The following CDH12 variants were observed in gnomAD, a reference collection of about 807,000 sequenced individuals.
CDH12 encodes cadherin 12, also known as cadherin-12.
CDH12 carries 41 observed loss-of-function variants against 74.1 expected under a neutral mutation model. The ratio of observed to expected loss-of-function variants is 0.55; its 90% confidence interval spans 0.43 to 0.72. The LOEUF is 0.72. Ranked by LOEUF, CDH12 falls within the 30% of genes least tolerant of loss-of-function variation. The pLI is 0.00. For missense variants in CDH12, 945 were observed against 977.2 expected (o/e 0.97, Z 0.44); for synonymous variants, 399 against 355.0 (o/e 1.12, Z -1.39).
chr5:22,538,563 G>A lies in CDH12; in HGVS notation c.-522-33199C>T, dbSNP rs372490394. 8.5e-5 allele frequency among the ~76,000 whole-genome samples: 13 copies of A among 152,276 alleles called. 1 individual carries two copies. The highest frequency in any genetic ancestry group is 3.9e-4 in the East Asian group (2 of 5,174). ...CAGTGTGAACAACCAAAATTGTTTC[G>A]AGACATTGCCAAATGTTCCGTGGGG... On this transcript the variant is annotated intron_variant, in intron 1 of 14. Coordinates refer to ENST00000382254, the MANE Select transcript of CDH12 (RefSeq NM_004061.5).
rs74594118 is a variant in CDH12 at position 22,522,278 on chromosome 5, C to T, written c.-522-16914G>A. On this transcript the variant is annotated intron_variant, in intron 1 of 14. Transcript: ENST00000382254. Reference sequence around the variant, plus strand: ...AAGTATGGATTAGGAACCAAAAGCTCATCATGAACATATAAACTGACCAAG... The same window carrying T: ...AAGTATGGATTAGGAACCAAAAGCTTATCATGAACATATAAACTGACCAAG... Among the ~76,000 whole-genome samples the T allele has an allele frequency of 2.5e-3, 387 of 152,232 alleles. 5 individuals carry two copies. The highest frequency in any genetic ancestry group is 8.7e-3 in the African/African-American group (361 of 41,558).
chr5:22,033,102 A>G (rs1470402725), intron 5 of CDH12, among the ~76,000 whole-genome samples: 1 of 152,012 alleles, frequency 6.6e-6, no homozygotes, highest in African/African-American at 2.4e-5. Context: ...CAATGACAAA[A>G]GAGCTATAAT....
intron 2 of CDH12, among the ~76,000 whole-genome samples, chr5:22,499,392 T>C (rs890616115): frequency 1.3e-5 from 2 of 152,198 alleles, no homozygotes; most frequent in African/African-American, 4.8e-5. Flanking sequence ...AGTCTTAGTT[T>C]ACATGGCAGA....
At position 22,200,910 on chromosome 5, in the gene CDH12, G is replaced by A. The variant is rs185223459; in HGVS notation, c.-187+11588C>T. 2.0e-5 allele frequency among the ~76,000 whole-genome samples: 3 copies of A among 152,308 alleles called. No individual in the cohort carries two copies. In the East Asian group the frequency reaches 5.8e-4, roughly 29 times the overall value. On this transcript the variant is annotated intron_variant, in intron 4 of 14. Coordinates refer to ENST00000382254, the MANE Select transcript of CDH12 (RefSeq NM_004061.5). ...TTGAAGTGTGGCATTATTCAATGAT[G>A]TAATGAGTTCTGTGATTGGATTATA...
intron 5 of CDH12, among the ~76,000 whole-genome samples, chr5:21,996,630 G>T (rs1251795528): frequency 6.6e-6 from 1 of 152,018 alleles, no homozygotes; most frequent in Non-Finnish European, 1.5e-5. Context: ...TGCTGTTTGG[G>T]CTAGATGGCT....
chr5:22,798,118 G>C (rs1748323568), intron 1 of CDH12, among the ~76,000 whole-genome samples: 1 of 151,960 alleles, frequency 6.6e-6, no homozygotes, highest in Non-Finnish European at 1.5e-5. Context: ...CTTATCCCCT[G>C]CCTCAAATAA....
chr5:22,678,535 A>AAC (rs1458849955), intron 1 of CDH12, among the ~76,000 whole-genome samples: 1 of 152,134 alleles, frequency 6.6e-6, no homozygotes, highest in Admixed American at 6.6e-5. Context: ...AAGCATTCAA[A>AAC]ACATGCCCAT....
chr5:22,490,584 GCT>G (rs1746820812), intron 2 of CDH12, among the ~76,000 whole-genome samples: 1 of 151,048 alleles, frequency 6.6e-6, no homozygotes, highest in South Asian at 2.1e-4. Context: ...AAAAAATAAG[GCT>G]CTCTGCAAAT....
intron 3 of CDH12, among the ~76,000 whole-genome samples, chr5:22,228,661 T>A (rs1752277182): frequency 6.6e-6 from 1 of 152,142 alleles, no homozygotes; most frequent in African/African-American, 2.4e-5. Context: ...ACTGAGGAAT[T>A]CTGTTCTGCT....
intron 4 of CDH12, among the ~76,000 whole-genome samples, chr5:22,092,246 AG>A (rs1410904406): frequency 6.6e-6 from 1 of 152,034 alleles, no homozygotes; most frequent in Non-Finnish European, 1.5e-5. Context: ...CAAAAGCCCA[AG>A]TGACAAGATA....
At chr5:22,002,774 G>T (rs1420294186) in intron 5 of CDH12, among the ~76,000 whole-genome samples, 1 of 151,898 alleles carries the variant, frequency 6.6e-6, no homozygotes, top group Non-Finnish European at 1.5e-5. Context: ...AGCCTGCTGG[G>T]ACAAGATTCA....
At chr5:21,788,224 T>TA (rs1440300238) in intron 10 of CDH12, among the ~76,000 whole-genome samples, 3 of 152,160 alleles carry the variant, frequency 2.0e-5, no homozygotes, top group Non-Finnish European at 2.9e-5. Flanking sequence ...ACATTGAATG[T>TA]AAAACCTAGT....
intron 4 of CDH12, among the ~76,000 whole-genome samples, chr5:22,079,459 G>A (rs1164226959): frequency 6.6e-6 from 1 of 152,106 alleles, no homozygotes; most frequent in Non-Finnish European, 1.5e-5. Context: ...TGAAGTTAGA[G>A]AATAGAAAGA....
Position 22,509,928 on chromosome 5 carries a change from T to G in CDH12, c.-522-4564A>C, listed in dbSNP as rs116475615. 8.8e-3 allele frequency among the ~76,000 whole-genome samples: 1,333 copies of G among 152,032 alleles called. 21 individuals carry two copies. Among genetic ancestry groups the G allele is most frequent in the African/African-American group, 0.031 (1,267 of 41,458 alleles). ...GCATGGTATAGCACTGGAGAATCAG[T>G]AGGACCTCAGCAGAGCAAGTACCAA... On this transcript the variant is annotated intron_variant, in intron 1 of 14. Transcript: ENST00000382254.
chr5:22,041,985 A>C (rs1358983138), intron 5 of CDH12, among the ~76,000 whole-genome samples: 2 of 152,210 alleles, frequency 1.3e-5, no homozygotes, highest in African/African-American at 4.8e-5. Flanking sequence ...ATGAAACTAG[A>C]CATCGATGAC....
intron 1 of CDH12, among the ~76,000 whole-genome samples, chr5:22,847,801 C>A (rs369482545): frequency 6.6e-6 from 1 of 152,142 alleles, no homozygotes; most frequent in Admixed American, 6.5e-5. Flanking sequence ...TATAAACTTT[C>A]ATGTTCACTA....
intron 9 of CDH12, among the ~76,000 whole-genome samples, chr5:21,813,517 A>T (rs1015362886): frequency 2.7e-5 from 3 of 110,678 alleles, no homozygotes; most frequent in Non-Finnish European, 4.0e-5. Context: ...TAAAAGAGTA[A>T]AAGTGATCTA....
chr5:21,866,191 T>A (rs1751316620), intron 6 of CDH12, among the ~76,000 whole-genome samples: 2 of 152,160 alleles, frequency 1.3e-5, no homozygotes, highest in South Asian at 4.1e-4. Flanking sequence ...GACTCCAGTG[T>A]TTTTATTGGC....
At chr5:22,377,118 C>T (rs974140630) in intron 3 of CDH12, among the ~76,000 whole-genome samples, 1 of 151,946 alleles carries the variant, frequency 6.6e-6, no homozygotes, top group Non-Finnish European at 1.5e-5. Flanking sequence ...ATGATGTGCC[C>T]CCAGAGTGAA....
Sources: allele counts gnomAD v4.1 joint callset (sites outside exome capture counted in the v4.1 genomes callset), GRCh38; gene constraint gnomAD v4.1.1; transcripts MANE v1.5; gene names NCBI Gene and HGNC (gene_info 2026-07-23, HGNC 2026-07-21).